The following ZNF236 variants were observed in gnomAD, a reference collection of about 807,000 sequenced individuals.
ZNF236 encodes regulated by glucose.
ZNF236 carries 50 observed loss-of-function variants against 191.2 expected under a neutral mutation model. The observed-to-expected ratio is 0.26, with a 90% CI of 0.21 to 0.33. The LOEUF (loss-of-function observed/expected upper bound fraction) is 0.33. ZNF236 is among the 10% of genes least tolerant of loss of function. The pLI, the probability that ZNF236 is intolerant of heterozygous loss-of-function variation, is 1.00. For synonymous variants in ZNF236, 907 were observed against 928.8 expected, an observed-to-expected ratio of 0.98 and a Z score of 0.43; for missense variants, 1,754 against 2,374.5, an observed-to-expected ratio of 0.74 and a Z score of 5.43.
In ZNF236 at chr18:76,914,011, T is replaced by TCA. The variant is rs1216454065; in HGVS notation, c.3061+113_3061+114insCA. On this transcript the variant is annotated intron_variant, in intron 18 of 30. Transcript: ENST00000320610. ...CTTAAAGTGTACAATTCAGTGATTT[T>TCA]TAGTATGTTCATAGAGTTCTGCAAC... 35 of 1,198,756 alleles carry TCA rather than the reference T, an allele frequency of 2.9e-5. No homozygotes were observed. The African/African-American group carries it at 4.1e-4, about 14-fold the overall frequency. 74.3% of individuals were successfully genotyped at this position (1,198,756 alleles called of 1,614,324 possible). A position where few individuals can be genotyped will look rare whatever the true frequency, so the allele number is the denominator to read the frequency against.
chr18:76,842,879 T>C (rs1260716264), intron 1 of ZNF236, among the ~76,000 whole-genome samples: 1 of 152,240 alleles, frequency 6.6e-6, no homozygotes, highest in Non-Finnish European at 1.5e-5. Context: ...TAAATACATT[T>C]GAATAGATAA....
At chr18:76,953,997 T>A (rs2122941722) in intron 27 of ZNF236, among the ~76,000 whole-genome samples, 1 of 152,336 alleles carries the variant, frequency 6.6e-6, no homozygotes, top group Admixed American at 6.5e-5. Flanking sequence ...TATTTCTAGC[T>A]GTGGCCAAGT....
intron 1 of ZNF236, among the ~76,000 whole-genome samples, chr18:76,838,642 G>A (rs1975401088): frequency 6.6e-6 from 1 of 152,190 alleles, no homozygotes; most frequent in African/African-American, 2.4e-5. Flanking sequence ...ACCAAAAAAG[G>A]CTAGGCCACA....
chr18:76,832,625 T>C (rs1022592147), intron 1 of ZNF236, among the ~76,000 whole-genome samples: 1 of 152,106 alleles, frequency 6.6e-6, no homozygotes, highest in Non-Finnish European at 1.5e-5. Flanking sequence ...GTCTTAATTA[T>C]GCTATTCTGA....
rs761681036 is a variant in ZNF236 at position 76,910,613 on chromosome 18, G to A, written c.2654-47G>A. 1.9e-6 allele frequency: 3 copies of A among 1,562,008 alleles called. No homozygotes were observed. The Admixed American group carries it at 5.3e-5, about 28-fold the overall frequency. Reference sequence around the variant, plus strand: ...AAACCTTTTCTTAGAACATTTTAATGTAACTTTAATATTTTTGTAGAACTC... The same window carrying A: ...AAACCTTTTCTTAGAACATTTTAATATAACTTTAATATTTTTGTAGAACTC... On this transcript the variant is annotated intron_variant, in intron 15 of 30. Coordinates refer to ENST00000320610, the MANE Select transcript of ZNF236 (RefSeq NM_001306089.2).
At position 76,908,586 on chromosome 18, in the gene ZNF236, G is replaced by A; in HGVS notation, c.2551+13G>A. ...GAAGCAGATGAAGGTAAATGTTTCA[G>A]GATATTTAACTTTGAGTGATCCCAG... On this transcript the variant is annotated intron_variant, in intron 14 of 30. Coordinates refer to ENST00000320610, the MANE Select transcript of ZNF236 (RefSeq NM_001306089.2). 1 of 1,591,722 alleles carries A rather than the reference G, an allele frequency of 6.3e-7. No homozygotes were observed. Among genetic ancestry groups the A allele is most frequent in the Non-Finnish European group, 8.5e-7 (1 of 1,169,628 alleles).
intron 1 of ZNF236, among the ~76,000 whole-genome samples, chr18:76,836,309 C>T (rs1181531848): frequency 6.6e-6 from 1 of 150,562 alleles, no homozygotes; most frequent in Non-Finnish European, 1.5e-5. Context: ...CAGCCCCAAA[C>T]CCCCGGGCGC....
At chr18:76,879,711 A>G (rs1976823323) in intron 7 of ZNF236, among the ~76,000 whole-genome samples, 1 of 152,170 alleles carries the variant, frequency 6.6e-6, no homozygotes, top group Admixed American at 6.5e-5. Context: ...GTCTCCTTGC[A>G]GGAAGAATTT....
At chr18:76,921,268 C>G (rs1322416381) in intron 20 of ZNF236, among the ~76,000 whole-genome samples, 2 of 152,116 alleles carry the variant, frequency 1.3e-5, no homozygotes, top group Non-Finnish European at 2.9e-5. Flanking sequence ...AGAGAGAGAG[C>G]CCAGGTCCCA....
At chr18:76,959,354 C>A (rs1184943840) in intron 28 of ZNF236, among the ~76,000 whole-genome samples, 1 of 152,156 alleles carries the variant, frequency 6.6e-6, no homozygotes, top group Non-Finnish European at 1.5e-5. Context: ...CACCTGGACT[C>A]CTGCACTAGG....
chr18:76,928,215 T>TA (rs1264992749), intron 25 of ZNF236, 109 bp downstream of exon 25: 7 of 779,116 alleles, frequency 9.0e-6, no homozygotes, highest in African/African-American at 3.6e-5. Context: ...CCGTGCTCAA[T>TA]ATGTATTTAT....
At position 76,937,335 on chromosome 18, in the gene ZNF236, A is replaced by G. The variant is rs756606333; in HGVS notation, c.4774A>G (p.Thr1592Ala). Residue 1592 changes from threonine to alanine, a missense_variant, in exon 26 of 31, where the codon ACC becomes GCC. Coordinates refer to ENST00000320610, the MANE Select transcript of ZNF236 (RefSeq NM_001306089.2). The stretch of plus-strand genomic sequence containing the variant: ...CCTGGACACTGTCACACTCAACATC[A>G]CCTCTCAGGCAAGTGCTCCTCAGAG... ...GGLDTVTLNI[T>A]SQGQQFPALL... 6.2e-7 allele frequency: 1 copy of G among 1,607,884 alleles called. No individual in the cohort carries two copies. The highest frequency in any genetic ancestry group is 1.1e-5 in the South Asian group (1 of 90,582).
chr18:76,895,485 T>G, intron 10 of ZNF236, 200 bp downstream of exon 10: 1 of 721,180 alleles, frequency 1.4e-6, no homozygotes, highest in Non-Finnish European at 2.2e-6. Context: ...ACACCGGTAC[T>G]GCCCACAGGG....
chr18:76,874,453 G>C (rs1976662111), intron 5 of ZNF236, among the ~76,000 whole-genome samples: 9 of 152,062 alleles, frequency 5.9e-5, no homozygotes, highest in Admixed American at 5.2e-4. Flanking sequence ...CTGCATGCTA[G>C]TGTGCACAGG....
chr18:76,868,678 C>T lies in ZNF236; in HGVS notation c.364-7C>T, dbSNP rs1976493344. The T allele has an allele frequency of 1.3e-6, 2 of 1,586,264 alleles. No homozygotes were observed. Among genetic ancestry groups the T allele is most frequent in the African/African-American group, 1.4e-5 (1 of 74,026 alleles). ...TGCTCTGCTCACCGATGGGTTTTCT[C>T]TTCCAGAATCTCATCTGTTCTGAGT... On this transcript the variant is annotated splice_polypyrimidine_tract_variant and splice_region_variant and intron_variant, in intron 3 of 30. Coordinates refer to ENST00000320610, the MANE Select transcript of ZNF236 (RefSeq NM_001306089.2).
At position 76,824,161 on chromosome 18, in the gene ZNF236, C is replaced by T. The variant is rs187649135; in HGVS notation, c.55+1499C>T. Reference sequence around the variant, plus strand: ...ACAGGTGCCCCAGAGAAAGGTCGGGCCTGGAAACTACAAAGGATTGTGTTA... The same window carrying T: ...ACAGGTGCCCCAGAGAAAGGTCGGGTCTGGAAACTACAAAGGATTGTGTTA... On this transcript the variant is annotated intron_variant, in intron 1 of 30. Transcript: ENST00000320610. 9.0e-4 allele frequency: 545 copies of T among 608,120 alleles called. 2 individuals are homozygous for T. The highest frequency in any genetic ancestry group is 8.8e-3 in the African/African-American group (480 of 54,376). 37.7% of individuals were successfully genotyped at this position (608,120 alleles called of 1,614,324 possible).
chr18:76,872,347 A>G (rs1404578169), intron 5 of ZNF236, among the ~76,000 whole-genome samples: 1 of 152,176 alleles, frequency 6.6e-6, no homozygotes, highest in African/African-American at 2.4e-5. Flanking sequence ...CAGGCGTGGT[A>G]GCACCCACCT....
intron 1 of ZNF236, among the ~76,000 whole-genome samples, chr18:76,843,925 A>C (rs1375983837): frequency 6.6e-6 from 1 of 151,068 alleles, no homozygotes; most frequent in Non-Finnish European, 1.5e-5. Flanking sequence ...CGCCTGTAAT[A>C]TGAGCACAAG....
At chr18:76,905,991 C>T (rs1239352168) in intron 13 of ZNF236, among the ~76,000 whole-genome samples, 2 of 152,128 alleles carry the variant, frequency 1.3e-5, no homozygotes, top group Admixed American at 6.5e-5. Context: ...TTCTGTGAAG[C>T]CACAGAATTC....
Sources: gnomAD v4.1 joint callset for allele counts (sites outside exome capture counted in the v4.1 genomes callset) on GRCh38, gnomAD v4.1.1 for gene constraint, MANE v1.5 for transcripts, NCBI Gene and HGNC (gene_info 2026-07-23, HGNC 2026-07-21) for gene names.